HSP90AB1: variants seen among roughly 807,000 people sequenced by gnomAD.
The protein encoded by HSP90AB1 is heat shock protein 90 alpha family class B member 1.
In HSP90AB1, 17 loss-of-function variants were observed where a neutral mutation model predicts 67.8. The ratio of observed to expected loss-of-function variants is 0.25; its 90% confidence interval spans 0.17 to 0.38. The LOEUF (loss-of-function observed/expected upper bound fraction) is 0.38, where lower values mean the gene tolerates loss of function less well. HSP90AB1 is among the 10% of genes least tolerant of loss of function. The probability of loss-of-function intolerance (pLI) is 1.00; values close to 1 mark genes in which losing one functional copy is unlikely to be tolerated. For missense variants in HSP90AB1, 690 were observed against 899.9 expected (o/e 0.77, Z 2.98); for synonymous variants, 390 against 312.9 (o/e 1.25, Z -2.60).
upstream of HSP90AB1, among the ~76,000 whole-genome samples, chr6:44,246,539 C>G (rs562860647): frequency 1.6e-4 from 24 of 152,324 alleles, no homozygotes; most frequent in South Asian, 2.3e-3. Context: ...GCGCCCTCCC[C>G]CTACGCTGAG....
In HSP90AB1 at chr6:44,253,039, C is replaced by T. The variant is rs200408482; in HGVS notation, c.1732-6C>T. 5.6e-6 allele frequency: 9 copies of T among 1,611,524 alleles called. No individual in the cohort carries two copies. The East Asian group carries it at 2.0e-4, about 36-fold the overall frequency. On this transcript the variant is annotated splice_polypyrimidine_tract_variant and splice_region_variant and intron_variant, in intron 10 of 11. Coordinates refer to ENST00000371646, the MANE Select transcript of HSP90AB1 (RefSeq NM_007355.4). ...GTCAATCTAAGGCTTTTGTGATCGT[C>T]CACAGGTGACAATCTCCAATAGACT...
At chr6:44,247,822 C>G (rs1780121534) in intron 1 of HSP90AB1, 1 of 152,252 alleles carries the variant, frequency 6.6e-6, no homozygotes, top group African/African-American at 2.4e-5. Flanking sequence ...TCCTCGAGAG[C>G]TGAGATTGTT....
Position 44,253,514 on chromosome 6 carries a change from A to C in HSP90AB1, c.2091A>C (p.Ala697=). Residue 697 remains alanine (A), a synonymous_variant, in exon 12 of 12, where the codon GCA becomes GCC. Transcript: ENST00000371646. ...GLGIDEDEVA[A]EEPNAAVPDE... ...GTATTGATGAAGATGAAGTGGCAGC[A>C]GAGGAACCCAATGCTGCAGTTCCTG... is the stretch of plus-strand genomic sequence containing the variant. The C allele has an allele frequency of 1.2e-6, 2 of 1,614,084 alleles. No individual in the cohort carries two copies. The highest frequency in any genetic ancestry group is 1.7e-6 in the Non-Finnish European group (2 of 1,179,942).
chr6:44,250,927 T>C, intron 6 of HSP90AB1, 121 bp from the exon 7 acceptor site: 1 of 850,700 alleles, frequency 1.2e-6, no homozygotes, highest in Non-Finnish European at 1.9e-6. Context: ...CAGGAGCTGC[T>C]TGTTGTGTGT....
At position 44,249,493 on chromosome 6, in the gene HSP90AB1, C is replaced by T. The variant is rs1455460959; in HGVS notation, c.264C>T (p.Asp88=). 5 of 1,614,042 alleles carry T rather than the reference C, an allele frequency of 3.1e-6. No individual in the cohort carries two copies. Among genetic ancestry groups the T allele is most frequent in the Non-Finnish European group, 4.2e-6 (5 of 1,179,880 alleles). The change falls in exon 3 of 12, where the codon GAC becomes GAT. Residue 88 remains aspartate (D), a synonymous_variant. Coordinates refer to ENST00000371646, the MANE Select transcript of HSP90AB1 (RefSeq NM_007355.4). ...AGGAACGTACCCTGACTTTGGTAGA[C>T]ACAGGCATTGGCATGACCAAAGCTG... The part of the protein sequence containing the change: ...NPQERTLTLV[D]TGIGMTKADL...
At chr6:44,253,444 T>C (rs759961933) in intron 11 of HSP90AB1, 45 bp from the exon 12 acceptor site, 46 of 1,601,682 alleles carry the variant, frequency 2.9e-5, no homozygotes, top group Non-Finnish European at 3.8e-5. Context: ...TGGATTTGAC[T>C]TAATGCTATT....
intron 1 of HSP90AB1, among the ~76,000 whole-genome samples, 193 bp downstream of exon 1, chr6:44,247,388 TG>T (rs1206333134): frequency 5.3e-5 from 8 of 151,126 alleles, no homozygotes; most frequent in African/African-American, 1.5e-4. Context: ...CTAGTGTGTT[TG>T]GGGGGTGGGG....
intron 1 of HSP90AB1, among the ~76,000 whole-genome samples, chr6:44,247,554 C>G (rs967306407): frequency 6.6e-6 from 1 of 152,214 alleles, no homozygotes; most frequent in South Asian, 2.1e-4. Flanking sequence ...AGGGGGACCG[C>G]AGGGTGGCGG....
intron 1 of HSP90AB1, chr6:44,248,130 A>C (rs1582980555): frequency 6.5e-6 from 1 of 153,818 alleles, no homozygotes; most frequent in East Asian, 1.9e-4. Context: ...ATGGGGCAGG[A>C]GTGTCCCGCC....
In HSP90AB1 at chr6:44,250,188, C is replaced by T. The variant is rs375769496; in HGVS notation, c.648+34C>T. 6.1e-5 allele frequency: 98 copies of T among 1,613,688 alleles called. No homozygotes were observed. The Admixed American group carries it at 7.0e-4, about 12-fold the overall frequency. On this transcript the variant is annotated intron_variant, in intron 5 of 11. Transcript: ENST00000371646. ...GGACTTTTAAATCTTTTACACTTAA[C>T]GTGCAGGATGTTTCCTGTTCTGGAG...
chr6:44,249,894 A>G, intron 4 of HSP90AB1, 60 bp downstream of exon 4: 1 of 1,590,676 alleles, frequency 6.3e-7, no homozygotes, highest in Non-Finnish European at 8.6e-7. Flanking sequence ...TCACACCAGT[A>G]GCAGAAATTT....
chr6:44,248,415 CTTA>C (rs368347240), intron 1 of HSP90AB1, among the ~76,000 whole-genome samples: 100 of 152,320 alleles, frequency 6.6e-4, no homozygotes, highest in African/African-American at 2.1e-3. Flanking sequence ...GAATATTTAG[CTTA>C]TTTTCTTTTT....
At chr6:44,246,620 T>C (rs1162690710), upstream of HSP90AB1, among the ~76,000 whole-genome samples, 6 of 152,192 alleles carry the variant, frequency 3.9e-5, no homozygotes, top group Non-Finnish European at 8.8e-5. Flanking sequence ...CTACCCAAGG[T>C]TGGGTCCCGA....
Position 44,253,813 on chromosome 6 carries a change from G to C in HSP90AB1, c.*215G>C. 3 of 765,326 alleles carry C rather than the reference G, an allele frequency of 3.9e-6. No individual in the cohort carries two copies. The highest frequency in any genetic ancestry group is 7.3e-6 in the Non-Finnish European group (3 of 409,508). 47.4% of individuals were successfully genotyped at this position (765,326 alleles called of 1,614,324 possible). ...GCAGGATTGGATGTTGTGTATTGTG[G>C]TTTATTTTATTTTCTTCATTTTGTT... On this transcript the variant is annotated 3_prime_UTR_variant, in exon 12 of 12. Transcript: ENST00000371646.
rs752969229 is a variant in HSP90AB1 at position 44,253,448 on chromosome 6, T to G, written c.2066-41T>G. 3 of 1,605,340 alleles carry G rather than the reference T, an allele frequency of 1.9e-6. No homozygotes were observed. In the East Asian group the frequency reaches 6.7e-5, roughly 36 times the overall value. ...CGTCTCCTCTATGGATTTGACTTAA[T>G]GCTATTTGGTCAAGTCTCACATGGC... On this transcript the variant is annotated intron_variant, in intron 11 of 11. Coordinates refer to ENST00000371646, the MANE Select transcript of HSP90AB1 (RefSeq NM_007355.4).
In HSP90AB1 at chr6:44,251,230, C is replaced by T. The variant is rs958135607; in HGVS notation, c.1123+17C>T. ...AGTATCTCAGTGAGTATCTCCTTGG[C>T]CTAATTTAGTTGGGTGAAGTCTTGG... On this transcript the variant is annotated intron_variant, in intron 7 of 11. Transcript: ENST00000371646. The T allele has an allele frequency of 6.2e-7, 1 of 1,613,420 alleles. No homozygotes were observed. The highest frequency in any genetic ancestry group is 8.5e-7 in the Non-Finnish European group (1 of 1,179,388).
chr6:44,246,891 A>G (rs898589772), upstream of HSP90AB1, among the ~76,000 whole-genome samples: 10 of 152,184 alleles, frequency 6.6e-5, no homozygotes, highest in Non-Finnish European at 2.9e-5. Flanking sequence ...ACGTGAAACT[A>G]TGGGGCTGTG....
At chr6:44,251,907 CT>C in intron 9 of HSP90AB1, 23 bp downstream of exon 9, 3 of 1,613,438 alleles carry the variant, frequency 1.9e-6, no homozygotes, top group Non-Finnish European at 2.5e-6. Flanking sequence ...TGATTGAAGC[CT>C]TTTTGGAGGA....
intron 1 of HSP90AB1, 144 bp downstream of exon 1, chr6:44,247,339 A>T (rs1224180263): frequency 6.6e-6 from 1 of 151,350 alleles, no homozygotes; most frequent in Non-Finnish European, 1.5e-5. Flanking sequence ...GGGTGAGGGT[A>T]GTGGTGGGTG....
Sources: gnomAD v4.1 joint callset for allele counts (sites outside exome capture counted in the v4.1 genomes callset) on GRCh38, gnomAD v4.1.1 for gene constraint, MANE v1.5 for transcripts, NCBI Gene and HGNC (gene_info 2026-07-23, HGNC 2026-07-21) for gene names.